Variants in ADAM32 observed in about 807,000 individuals in gnomAD.
ADAM32 encodes the protein disintegrin and metalloproteinase domain-containing protein 32.
ADAM32 carries 89 observed loss-of-function variants against 114.9 expected under a neutral mutation model. That is an observed-to-expected ratio of 0.77 (90% CI 0.65 to 0.92). The LOEUF (loss-of-function observed/expected upper bound fraction) is 0.92. Among genes scored for constraint, ADAM32 ranks in the 40% least tolerant of loss-of-function variants. ADAM32 has a pLI of 0.00. For missense variants in ADAM32, 870 were observed against 932.8 expected (o/e 0.93, Z 0.88); for synonymous variants, 285 against 307.5 (o/e 0.93, Z 0.77).
At chr8:39,231,919 T>C in intron 14 of ADAM32, 108 bp from the exon 15 acceptor site, 1 of 911,788 alleles carries the variant, frequency 1.1e-6, no homozygotes, top group Non-Finnish European at 1.7e-6. Context: ...AGGAAAAATG[T>C]TTCAATTAGA....
intron 19 of ADAM32, among the ~76,000 whole-genome samples, chr8:39,267,703 A>G (rs2129451167): frequency 6.6e-6 from 1 of 152,270 alleles, no homozygotes; most frequent in South Asian, 2.1e-4. Context: ...TTTTATTTCT[A>G]ACACAGCTTG....
chr8:39,196,992 CTT>C (rs896099525), intron 11 of ADAM32, among the ~76,000 whole-genome samples: 2 of 151,952 alleles, frequency 1.3e-5, no homozygotes, highest in African/African-American at 4.8e-5. Context: ...TGTTGGGAGA[CTT>C]TTGATTATTG....
intron 11 of ADAM32, among the ~76,000 whole-genome samples, chr8:39,188,668 TAA>T (rs149700923): frequency 0.027 from 4,171 of 152,270 alleles, 211 homozygotes; most frequent in African/African-American, 0.095. Context: ...GATGAGAGGC[TAA>T]GTTATAAAAA....
intron 11 of ADAM32, among the ~76,000 whole-genome samples, chr8:39,198,887 T>C (rs1807195622): frequency 1.3e-5 from 2 of 152,328 alleles, no homozygotes; most frequent in South Asian, 2.1e-4. Flanking sequence ...GCATTTCTTA[T>C]AGGACTAGTC....
intron 16 of ADAM32, 71 bp from the exon 17 acceptor site, chr8:39,246,012 T>C (rs1810893452): frequency 2.5e-6 from 3 of 1,189,320 alleles, no homozygotes; most frequent in Admixed American, 3.6e-5. Context: ...ATCATATAAT[T>C]ATTTACTGTA....
At chr8:39,242,202 A>T (rs1188156875) in intron 16 of ADAM32, among the ~76,000 whole-genome samples, 1 of 152,192 alleles carries the variant, frequency 6.6e-6, no homozygotes, top group Non-Finnish European at 1.5e-5. Context: ...CGTTATCAGC[A>T]TTTTGGTCCA....
At chr8:39,276,461 C>A (rs1187717506) in intron 22 of ADAM32, among the ~76,000 whole-genome samples, 1 of 152,146 alleles carries the variant, frequency 6.6e-6, no homozygotes, top group Non-Finnish European at 1.5e-5. Flanking sequence ...GGTCCTTCTG[C>A]AGATATAAAA....
In ADAM32 at chr8:39,160,006, G is replaced by C. The variant is rs528479185; in HGVS notation, c.526-891G>C. Among the ~76,000 whole-genome samples the C allele has an allele frequency of 2.6e-5, 4 of 152,000 alleles. No homozygotes were observed. The East Asian group carries it at 7.7e-4, about 29-fold the overall frequency. ...TTTTTTATTTTTATGTTTTTTTCTG[G>C]GGCAATTGCGTGAATAGGCCATTTG... is the stretch of plus-strand genomic sequence containing the variant. On this transcript the variant is annotated intron_variant, in intron 6 of 24. Transcript: ENST00000379907.
Position 39,196,791 on chromosome 8 carries a change from A to G in ADAM32, c.1052+9746A>G, listed in dbSNP as rs967792081. 7.2e-5 allele frequency among the ~76,000 whole-genome samples: 11 copies of G among 152,014 alleles called. No individual in the cohort carries two copies. In the South Asian group the frequency reaches 2.1e-3, roughly 29 times the overall value. ...ATGTTCATTGGGGATATTGGCCTGTAGTTTTCTTTTTTTTTGTTGTGTCCT... is the reference window on the plus strand; with the variant it reads ...ATGTTCATTGGGGATATTGGCCTGTGGTTTTCTTTTTTTTTGTTGTGTCCT... On this transcript the variant is annotated intron_variant, in intron 11 of 24. Coordinates refer to ENST00000379907, the MANE Select transcript of ADAM32 (RefSeq NM_145004.7).
chr8:39,273,324 G>A (rs1373842853), intron 20 of ADAM32, among the ~76,000 whole-genome samples: 2 of 151,654 alleles, frequency 1.3e-5, no homozygotes, highest in Non-Finnish European at 2.9e-5. Context: ...TAGCCAACAT[G>A]GTGAAACCCC....
At chr8:39,283,411 TAAAA>T (rs375766985) in intron 23 of ADAM32, among the ~76,000 whole-genome samples, 171 bp from the exon 24 acceptor site, 1 of 57,374 alleles carries the variant, frequency 1.7e-5, no homozygotes, top group African/African-American at 6.7e-5. Context: ...ACTCCATCTC[TAAAA>T]AAAAAAAAAA....
chr8:39,141,813 G>C (rs1369090720), intron 3 of ADAM32, among the ~76,000 whole-genome samples: 1 of 152,208 alleles, frequency 6.6e-6, no homozygotes, highest in East Asian at 1.9e-4. Flanking sequence ...CATTATTATT[G>C]TGTGGGAGTC....
chr8:39,180,474 C>T (rs890653643), intron 10 of ADAM32, among the ~76,000 whole-genome samples: 2 of 152,212 alleles, frequency 1.3e-5, no homozygotes, highest in African/African-American at 2.4e-5. Context: ...TGCTCCACGG[C>T]GCCCAGTCCC....
At chr8:39,160,505 A>G (rs1427560872) in intron 6 of ADAM32, among the ~76,000 whole-genome samples, 1 of 127,594 alleles carries the variant, frequency 7.8e-6, no homozygotes, top group African/African-American at 3.0e-5. Context: ...GCGCCACTGC[A>G]CTATAGCCTG....
At chr8:39,235,849 G>T (rs1323148292) in intron 16 of ADAM32, among the ~76,000 whole-genome samples, 1 of 152,104 alleles carries the variant, frequency 6.6e-6, no homozygotes, top group Non-Finnish European at 1.5e-5. Flanking sequence ...AAGTTTAAAA[G>T]GGTTAGATTG....
At chr8:39,211,365 G>A in intron 12 of ADAM32, 41 bp downstream of exon 12, 1 of 1,399,688 alleles carries the variant, frequency 7.1e-7, no homozygotes, top group South Asian at 1.7e-5. Flanking sequence ...TAAATTTATT[G>A]TTTTAATTTA....
chr8:39,252,894 T>C (rs1307111009), intron 17 of ADAM32, among the ~76,000 whole-genome samples: 1 of 151,404 alleles, frequency 6.6e-6, no homozygotes, highest in East Asian at 1.9e-4. Context: ...CAATAACAAA[T>C]AAAGAGATTA....
chr8:39,251,042 G>A (rs1272052333), intron 17 of ADAM32, among the ~76,000 whole-genome samples: 1 of 151,814 alleles, frequency 6.6e-6, no homozygotes, highest in African/African-American at 2.4e-5. Context: ...CATTGTGTAT[G>A]TATCTCACAT....
At chr8:39,225,736 G>A (rs1455528233) in intron 14 of ADAM32, among the ~76,000 whole-genome samples, 1 of 152,094 alleles carries the variant, frequency 6.6e-6, no homozygotes, top group Non-Finnish European at 1.5e-5. Context: ...ACCAAAGCTG[G>A]AACCATCCAA....
Sources: gnomAD v4.1 joint callset for allele counts (sites outside exome capture counted in the v4.1 genomes callset) on GRCh38, gnomAD v4.1.1 for gene constraint, MANE v1.5 for transcripts, NCBI Gene and HGNC (gene_info 2026-07-23, HGNC 2026-07-21) for gene names.